The following MTARC2 variants were observed in gnomAD, a reference collection of about 807,000 sequenced individuals.
MTARC2 encodes the protein MOCO sulphurase C-terminal domain containing 2.
MTARC2 carries 27 observed loss-of-function variants against 35.6 expected under a neutral mutation model. The ratio of observed to expected loss-of-function variants is 0.76; its 90% CI spans 0.56 to 1.04. The LOEUF (loss-of-function observed/expected upper bound fraction) is 1.04, where lower values mean the gene tolerates loss of function less well. MTARC2 is among the 50% of genes least tolerant of loss of function. The pLI, the probability that MTARC2 is intolerant of heterozygous loss-of-function variation, is 0.00. For missense variants in MTARC2, 412 were observed against 432.5 expected (o/e 0.95, Z 0.42); for synonymous variants, 158 against 167.1 (o/e 0.95, Z 0.42).
chr1:220,775,762 C>T (rs116548859), intron 4 of MTARC2, among the ~76,000 whole-genome samples: 1 of 152,160 alleles, frequency 6.6e-6, no homozygotes, highest in East Asian at 1.9e-4. Flanking sequence ...TCTACTTATA[C>T]ATTAGAACAT....
At chr1:220,753,077 A>G (rs528354369) in intron 1 of MTARC2, among the ~76,000 whole-genome samples, 2 of 146,634 alleles carry the variant, frequency 1.4e-5, no homozygotes, top group Admixed American at 6.8e-5. Flanking sequence ...AAATACAAAA[A>G]ATTAGCCGGG....
rs1671238638 is a variant in MTARC2 at position 220,755,050 on chromosome 1, A to G, written c.376A>G (p.Arg126Gly). ...TTATGAGAATAACTGCCTGATCTTC[A>G]GGGCTCCAGACATGGACCAGCTGGT... ...IIYENNCLIF[R>G]APDMDQLVLP... The change falls in exon 2 of 8, where the codon AGG (arginine) becomes GGG (glycine). Residue 126 changes from arginine to glycine, a missense_variant. Physicochemically the swap from Arg to Gly is moderately radical, Grantham distance 125. Transcript: ENST00000366913. 3.1e-6 allele frequency: 5 copies of G among 1,613,068 alleles called. No homozygotes were observed. Among genetic ancestry groups the G allele is most frequent in the Admixed American group, 3.3e-5 (2 of 59,900 alleles).
intron 4 of MTARC2, among the ~76,000 whole-genome samples, chr1:220,770,065 C>T (rs1671701131): frequency 6.6e-6 from 1 of 151,968 alleles, no homozygotes; most frequent in Admixed American, 6.6e-5. Context: ...CGAGATCGCG[C>T]CACTACACTC....
In MTARC2 at chr1:220,762,957, C is replaced by T. The variant is rs768864833; in HGVS notation, c.657C>T (p.Ser219=). The T allele has an allele frequency of 1.2e-6, 2 of 1,614,122 alleles. No homozygotes were observed. Among genetic ancestry groups the T allele is most frequent in the African/African-American group, 1.3e-5 (1 of 75,002 alleles). The part of the protein sequence containing the change: ...YCPLLIMTDA[S]LVDLNTRMEK... ...CGCTCCTGATCATGACAGATGCCTC[C>T]CTGGTAGATTTGAATACCAGGATGG... Residue 219 remains serine, a synonymous_variant, in exon 4 of 8, where the codon TCC becomes TCT. Coordinates refer to ENST00000366913, the MANE Select transcript of MTARC2 (RefSeq NM_017898.5).
intron 3 of MTARC2, 136 bp from the exon 4 acceptor site, chr1:220,762,774 C>A: frequency 1.1e-6 from 1 of 932,970 alleles, no homozygotes; most frequent in Non-Finnish European, 1.6e-6. Context: ...CCCAAACTCA[C>A]ATCTCTCTCC....
chr1:220,780,135 A>G (rs760973289), intron 5 of MTARC2, 33 bp from the exon 6 acceptor site: 1 of 1,609,224 alleles, frequency 6.2e-7, no homozygotes, highest in South Asian at 1.1e-5. Flanking sequence ...TTGGTTCCTA[A>G]GCATCACCTA....
At chr1:220,761,555 C>G (rs1671435988) in intron 2 of MTARC2, 103 bp from the exon 3 acceptor site, 1 of 1,163,924 alleles carries the variant, frequency 8.6e-7, no homozygotes, top group African/African-American at 1.6e-5. Context: ...TAACAGCCCT[C>G]TGGGATGGTC....
At position 220,751,699 on chromosome 1, in the gene MTARC2, G is replaced by A. The variant is rs1671129902; in HGVS notation, c.272+2896G>A. On this transcript the variant is annotated intron_variant, in intron 1 of 7. Transcript: ENST00000366913. ...TTACCCGTTGCTGTTGGTTGTTCGG[G>A]GCTCTATAGCTCTTTTGGGGAATCG... Among the ~76,000 whole-genome samples, 4 of 152,060 alleles carry A rather than the reference G, an allele frequency of 2.6e-5. No individual in the cohort carries two copies. In the South Asian group the frequency reaches 8.3e-4, roughly 32 times the overall value.
rs544338013 is a variant in MTARC2, at chr1:220,773,308, T to G, written c.751-6710T>G. 8.5e-5 allele frequency among the ~76,000 whole-genome samples: 13 copies of G among 152,228 alleles called. No homozygotes were observed. The East Asian group carries it at 2.5e-3, about 29-fold the overall frequency. On this transcript the variant is annotated intron_variant, in intron 4 of 7. Coordinates refer to ENST00000366913, the MANE Select transcript of MTARC2 (RefSeq NM_017898.5). ...AGAGCTTCTGAGTTGGAGAACACAT[T>G]GAAGTTCTGGGAGGGTGGTGCACCC...
At chr1:220,780,306 G>C (rs756074304) in intron 6 of MTARC2, 67 bp downstream of exon 6, 16 of 1,392,248 alleles carry the variant, frequency 1.1e-5, no homozygotes, top group Non-Finnish European at 1.6e-5. Flanking sequence ...TATGGGTTTA[G>C]GTGCTATGTC....
chr1:220,768,764 A>G (rs1303912769), intron 4 of MTARC2, among the ~76,000 whole-genome samples: 1 of 152,170 alleles, frequency 6.6e-6, no homozygotes, highest in African/African-American at 2.4e-5. Flanking sequence ...CATGTTCATT[A>G]TCTCTGTTAG....
intron 3 of MTARC2, among the ~76,000 whole-genome samples, chr1:220,762,436 A>G (rs180716277): frequency 9.8e-5 from 15 of 152,354 alleles, no homozygotes; most frequent in African/African-American, 3.6e-4. Flanking sequence ...ATTTCTCTCC[A>G]TAGCCCCTAA....
intron 7 of MTARC2, 60 bp from the exon 8 acceptor site, chr1:220,783,859 A>G: frequency 1.4e-6 from 1 of 717,004 alleles, no homozygotes; most frequent in Non-Finnish European, 2.6e-6. Flanking sequence ...GGGAGTTTGA[A>G]TTATTTATGA....
At chr1:220,754,510 A>G in intron 1 of MTARC2, 1 of 447,982 alleles carries the variant, frequency 2.2e-6, no homozygotes, top group South Asian at 1.6e-5. Flanking sequence ...TCAGACTCAA[A>G]CTCACTTGGC....
At chr1:220,780,457 T>C (rs1672042011) in intron 6 of MTARC2, among the ~76,000 whole-genome samples, 1 of 150,684 alleles carries the variant, frequency 6.6e-6, no homozygotes, top group Non-Finnish European at 1.5e-5. Flanking sequence ...GATAAACTTT[T>C]TTTTTTTTTT....
Position 220,748,418 on chromosome 1 carries a change from T to A in MTARC2, c.-114T>A. ...GGTGAAAGTGTGAGAGGGTCCGTAG[T>A]TGGGTCAACTTTGACTCCTCTCGCC... On this transcript the variant is annotated 5_prime_UTR_variant, in exon 1 of 8. In the 5' UTR this introduces an upstream ATG that the reference lacks. Coordinates refer to ENST00000366913, the MANE Select transcript of MTARC2 (RefSeq NM_017898.5). 2.7e-6 allele frequency: 3 copies of A among 1,094,148 alleles called. No homozygotes were observed. The highest frequency in any genetic ancestry group is 3.5e-6 in the Non-Finnish European group (3 of 848,804). 67.8% of individuals were successfully genotyped at this position (1,094,148 alleles called of 1,614,324 possible).
At chr1:220,757,597 T>G (rs1014964472) in intron 2 of MTARC2, among the ~76,000 whole-genome samples, 1 of 152,188 alleles carries the variant, frequency 6.6e-6, no homozygotes, top group Non-Finnish European at 1.5e-5. Context: ...AGGTCCCTTT[T>G]CAGGGCTGTA....
chr1:220,776,320 C>A (rs1421949042), intron 4 of MTARC2, among the ~76,000 whole-genome samples: 3 of 152,134 alleles, frequency 2.0e-5, no homozygotes, highest in Non-Finnish European at 4.4e-5. Context: ...GCGTGTATGT[C>A]TTCCTTTGAG....
chr1:220,776,603 A>T (rs1299222401), intron 4 of MTARC2, among the ~76,000 whole-genome samples: 1 of 152,162 alleles, frequency 6.6e-6, no homozygotes, highest in African/African-American at 2.4e-5. Context: ...AAGTAACTAG[A>T]GCCGGCATTT....
Sources: gnomAD v4.1 joint callset for allele counts (sites outside exome capture counted in the v4.1 genomes callset) on GRCh38, gnomAD v4.1.1 for gene constraint, MANE v1.5 for transcripts, NCBI Gene and HGNC (gene_info 2026-07-23, HGNC 2026-07-21) for gene names.